Variants in NCK2 observed in about 807,000 individuals in gnomAD.
NCK2 encodes NCK adaptor protein 2.
A neutral mutation model predicts 33.9 loss-of-function variants in NCK2; 16 were observed. The ratio of observed to expected loss-of-function variants is 0.47; its 90% CI spans 0.32 to 0.72. NCK2 has a LOEUF of 0.72. Among genes scored for constraint, NCK2 ranks in the 30% least tolerant of loss-of-function variants. NCK2 has a pLI of 0.03. For missense variants in NCK2, 418 were observed against 537.3 expected, an observed-to-expected ratio of 0.78 and a Z score of 2.19; for synonymous variants, 273 against 239.9, an observed-to-expected ratio of 1.14 and a Z score of -1.27.
intron 1 of NCK2, among the ~76,000 whole-genome samples, chr2:105,769,160 G>A (rs576209571): frequency 7.7e-4 from 117 of 152,254 alleles, no homozygotes; most frequent in African/African-American, 2.7e-3. Flanking sequence ...GGGCACTCTT[G>A]TTGCTCAGTA....
At chr2:105,762,643 A>G (rs1689804485) in intron 1 of NCK2, among the ~76,000 whole-genome samples, 1 of 152,186 alleles carries the variant, frequency 6.6e-6, no homozygotes, top group Admixed American at 6.5e-5. Context: ...GCATGAATGT[A>G]GGTAGCACAG....
intron 1 of NCK2, among the ~76,000 whole-genome samples, chr2:105,770,562 CTG>C (rs1159452555): frequency 2.0e-5 from 3 of 152,170 alleles, no homozygotes; most frequent in African/African-American, 7.2e-5. Flanking sequence ...TATAGAATAT[CTG>C]TCATTTTTAG....
intron 3 of NCK2, among the ~76,000 whole-genome samples, chr2:105,877,184 C>T (rs921876695): frequency 6.6e-6 from 1 of 152,140 alleles, no homozygotes; most frequent in Non-Finnish European, 1.5e-5. Context: ...TTTTCTCTTC[C>T]CACTCCTCCT....
At chr2:105,835,417 A>ATATATATATGTG (rs1676387841) in intron 2 of NCK2, among the ~76,000 whole-genome samples, 1 of 79,092 alleles carries the variant, frequency 1.3e-5, no homozygotes, top group African/African-American at 3.7e-5. Flanking sequence ...GTGTATATAT[A>ATATATATATGTG]TATATATTTT....
intron 1 of NCK2, among the ~76,000 whole-genome samples, chr2:105,804,782 G>A (rs1674967788): frequency 6.6e-6 from 1 of 152,212 alleles, no homozygotes; most frequent in Non-Finnish European, 1.5e-5. Context: ...TTTGGCATAG[G>A]TATGTTATTA....
At chr2:105,760,386 G>A (rs959039896) in intron 1 of NCK2, among the ~76,000 whole-genome samples, 13 of 152,292 alleles carry the variant, frequency 8.5e-5, no homozygotes, top group Admixed American at 6.5e-5. Context: ...AATTCTTCCT[G>A]TTGCACGAGT....
chr2:105,860,159 G>C (rs1158964825), intron 3 of NCK2, among the ~76,000 whole-genome samples: 1 of 152,094 alleles, frequency 6.6e-6, no homozygotes, highest in African/African-American at 2.4e-5. Flanking sequence ...GGTGTCATGT[G>C]CCTGTGGTCC....
chr2:105,771,508 T>G (rs1690135910), intron 1 of NCK2, among the ~76,000 whole-genome samples: 1 of 152,092 alleles, frequency 6.6e-6, no homozygotes, highest in Admixed American at 6.5e-5. Flanking sequence ...AATGTTGCAG[T>G]AAGCCGAGAT....
At chr2:105,825,672 A>G (rs1243661937) in intron 2 of NCK2, among the ~76,000 whole-genome samples, 1 of 152,082 alleles carries the variant, frequency 6.6e-6, no homozygotes, top group Non-Finnish European at 1.5e-5. Flanking sequence ...TTTATTAGAG[A>G]TTTTTTACGG....
At chr2:105,804,047 G>GT (rs775343365) in intron 1 of NCK2, among the ~76,000 whole-genome samples, 26 of 152,258 alleles carry the variant, frequency 1.7e-4, no homozygotes, top group Non-Finnish European at 3.4e-4. Context: ...TCTCAGTTAG[G>GT]TTTTGGCTTT....
At chr2:105,762,233 A>G (rs958873344) in intron 1 of NCK2, among the ~76,000 whole-genome samples, 32 of 152,218 alleles carry the variant, frequency 2.1e-4, no homozygotes, top group Admixed American at 1.7e-3. Context: ...ATTTCCTTCA[A>G]CTCTCAAGTT....
intron 1 of NCK2, among the ~76,000 whole-genome samples, chr2:105,782,178 C>T (rs946987478): frequency 6.6e-6 from 1 of 152,218 alleles, no homozygotes; most frequent in East Asian, 1.9e-4. Flanking sequence ...TTTCCCCTCT[C>T]TTTATAGGAG....
intron 2 of NCK2, among the ~76,000 whole-genome samples, chr2:105,846,193 T>G (rs1433061182): frequency 6.6e-6 from 1 of 152,132 alleles, no homozygotes; most frequent in African/African-American, 2.4e-5. Flanking sequence ...GCTGGAGTGG[T>G]AAATTATGTG....
At chr2:105,865,248 G>T (rs1335024961) in intron 3 of NCK2, among the ~76,000 whole-genome samples, 1 of 152,154 alleles carries the variant, frequency 6.6e-6, no homozygotes, top group African/African-American at 2.4e-5. Context: ...CCTGCCAGGT[G>T]CCCGAATATG....
intron 1 of NCK2, among the ~76,000 whole-genome samples, chr2:105,749,632 T>C (rs138700311): frequency 8.1e-4 from 123 of 152,162 alleles, no homozygotes; most frequent in Non-Finnish European, 1.5e-3. Flanking sequence ...CAGAACACAG[T>C]GTCCTTGGGT....
At chr2:105,862,148 C>A (rs143441756) in intron 3 of NCK2, among the ~76,000 whole-genome samples, 1 of 152,088 alleles carries the variant, frequency 6.6e-6, no homozygotes, top group Non-Finnish European at 1.5e-5. Context: ...ATTTACCAGG[C>A]GGCTTAACAC....
chr2:105,770,543 G>A (rs1455530587), intron 1 of NCK2, among the ~76,000 whole-genome samples: 1 of 152,200 alleles, frequency 6.6e-6, no homozygotes, highest in Non-Finnish European at 1.5e-5. Context: ...TTTCTTAGAA[G>A]TAGAAGGCTA....
At chr2:105,753,900 C>G (rs1689528975) in intron 1 of NCK2, among the ~76,000 whole-genome samples, 2 of 152,156 alleles carry the variant, frequency 1.3e-5, no homozygotes, top group Admixed American at 1.3e-4. Context: ...AGGTCAAGTC[C>G]AAATGTAGAT....
intron 1 of NCK2, among the ~76,000 whole-genome samples, chr2:105,792,532 T>G (rs143758572): frequency 6.6e-6 from 1 of 152,328 alleles, no homozygotes; most frequent in African/African-American, 2.4e-5. Flanking sequence ...TACAACTGGT[T>G]GTTAAAGTCA....
Sources: gnomAD v4.1 joint callset for allele counts (sites outside exome capture counted in the v4.1 genomes callset) on GRCh38, gnomAD v4.1.1 for gene constraint, MANE v1.5 for transcripts, NCBI Gene and HGNC (gene_info 2026-07-23, HGNC 2026-07-21) for gene names.